Variants in TBC1D5 observed in about 807,000 individuals in gnomAD.
The protein encoded by TBC1D5 is TBC1 domain family, member 5.
TBC1D5 carries 75 observed loss-of-function variants against 100.3 expected under a neutral mutation model. That is an observed-to-expected ratio of 0.75 (90% CI 0.62 to 0.91). The LOEUF (loss-of-function observed/expected upper bound fraction) is 0.91, where lower values mean the gene tolerates loss of function less well. Ranked by LOEUF, TBC1D5 falls within the 40% of genes least tolerant of loss-of-function variation. TBC1D5 has a pLI of 0.00. For synonymous variants in TBC1D5, 323 were observed against 325.6 expected, an observed-to-expected ratio of 0.99 and a Z score of 0.09; for missense variants, 910 against 942.4, an observed-to-expected ratio of 0.97 and a Z score of 0.45.
intron 2 of TBC1D5, among the ~76,000 whole-genome samples, chr3:17,565,506 A>G (rs1407008334): frequency 6.6e-6 from 1 of 152,162 alleles, no homozygotes; most frequent in Non-Finnish European, 1.5e-5. Flanking sequence ...TCCAAAGGGC[A>G]AAGTGATATG....
chr3:17,693,298 T>C (rs1379383647), intron 1 of TBC1D5, among the ~76,000 whole-genome samples: 2 of 152,186 alleles, frequency 1.3e-5, no homozygotes, highest in African/African-American at 4.8e-5. Flanking sequence ...AACCGGGAAG[T>C]GCAAGGGGTC....
At chr3:17,463,943 C>CTTTTTTTTT (rs1025162858) in intron 3 of TBC1D5, among the ~76,000 whole-genome samples, 15 of 87,530 alleles carry the variant, frequency 1.7e-4, no homozygotes, top group African/African-American at 3.3e-4. Flanking sequence ...TTCCTTATTC[C>CTTTTTTTTT]TTTTTTTTTT....
intron 3 of TBC1D5, among the ~76,000 whole-genome samples, chr3:17,469,232 T>C (rs2095344581): frequency 1.3e-5 from 2 of 152,136 alleles, no homozygotes; most frequent in South Asian, 2.1e-4. Flanking sequence ...AGCAAATAAA[T>C]AGAAACTGCA....
chr3:17,554,504 A>G (rs891191351), intron 2 of TBC1D5, among the ~76,000 whole-genome samples: 6 of 152,184 alleles, frequency 3.9e-5, no homozygotes, highest in Admixed American at 3.9e-4. Flanking sequence ...TAGTTTGATC[A>G]TACTCTGGTT....
At chr3:17,466,178 T>C (rs955511945) in intron 3 of TBC1D5, among the ~76,000 whole-genome samples, 2 of 152,154 alleles carry the variant, frequency 1.3e-5, no homozygotes, top group Non-Finnish European at 2.9e-5. Context: ...GTCACACCCA[T>C]GGAAGAACAC....
intron 2 of TBC1D5, among the ~76,000 whole-genome samples, chr3:17,614,243 A>G (rs1406160760): frequency 1.3e-5 from 2 of 152,110 alleles, no homozygotes; most frequent in Non-Finnish European, 1.5e-5. Context: ...CCATTGCTCC[A>G]TATATCTGTT....
intron 3 of TBC1D5, among the ~76,000 whole-genome samples, chr3:17,478,600 T>C (rs1337918090): frequency 2.6e-5 from 4 of 152,218 alleles, no homozygotes; most frequent in African/African-American, 9.6e-5. Context: ...ATTATAGGAT[T>C]GTTCACTGCT....
chr3:17,295,618 T>A (rs904890362), intron 14 of TBC1D5, among the ~76,000 whole-genome samples: 1 of 152,232 alleles, frequency 6.6e-6, no homozygotes, highest in Non-Finnish European at 1.5e-5. Flanking sequence ...AACTTACACA[T>A]AATTCAAAAC....
intron 1 of TBC1D5, among the ~76,000 whole-genome samples, chr3:17,710,891 T>C (rs1264590248): frequency 6.6e-6 from 1 of 151,948 alleles, no homozygotes; most frequent in African/African-American, 2.4e-5. Flanking sequence ...AGAGACGGAG[T>C]TTCACCATGT....
intron 2 of TBC1D5, among the ~76,000 whole-genome samples, chr3:17,609,377 T>C (rs1354005787): frequency 1.3e-5 from 2 of 152,228 alleles, no homozygotes; most frequent in Non-Finnish European, 2.9e-5. Flanking sequence ...TCAAATGTGA[T>C]GAATGTCCTT....
At chr3:17,591,233 CAAAAAAAAAAA>C (rs60889092) in intron 2 of TBC1D5, among the ~76,000 whole-genome samples, 1,677 of 18,818 alleles carry the variant, frequency 0.089, 99 homozygotes, top group South Asian at 0.32. Context: ...AAGGATCTGT[CAAAAAAAAAAA>C]AAAAAAAAAA....
rs184909345 is a variant in TBC1D5 at position 17,260,902 on chromosome 3, T to C, written c.1246-2311A>G. On this transcript the variant is annotated intron_variant, in intron 15 of 21. Coordinates refer to ENST00000253692, the Ensembl canonical transcript of TBC1D5. ...ACAGTTATTAATGAGATACTTCACA[T>C]TGTTCCTTTTGTACAAAGTCTTTGA... Among the ~76,000 whole-genome samples, 5 of 152,372 alleles carry C rather than the reference T, an allele frequency of 3.3e-5. No homozygotes were observed. The East Asian group carries it at 9.6e-4, about 29-fold the overall frequency.
chr3:17,170,403 A>C (rs1458436548), intron 19 of TBC1D5, among the ~76,000 whole-genome samples: 1 of 152,186 alleles, frequency 6.6e-6, no homozygotes, highest in African/African-American at 2.4e-5. Flanking sequence ...AAGGAACTAA[A>C]GAAAGTCCCC....
At chr3:17,244,479 TTCC>T (rs1241808690) in intron 16 of TBC1D5, among the ~76,000 whole-genome samples, 1 of 150,322 alleles carries the variant, frequency 6.7e-6, no homozygotes, top group African/African-American at 2.4e-5. Flanking sequence ...CTGCCCTTCC[TTCC>T]TCCTATCTTC....
chr3:17,271,386 C>CAA (rs2079407624), intron 15 of TBC1D5, among the ~76,000 whole-genome samples: 1 of 152,084 alleles, frequency 6.6e-6, no homozygotes, highest in Non-Finnish European at 1.5e-5. Context: ...AAGGAGATTA[C>CAA]ATTCTTGATT....
chr3:17,209,360 A>T (rs760438232), intron 18 of TBC1D5, among the ~76,000 whole-genome samples: 6 of 152,302 alleles, frequency 3.9e-5, no homozygotes, highest in Non-Finnish European at 8.8e-5. Context: ...TATGTTGCTC[A>T]GGCTGGTCTC....
intron 1 of TBC1D5, among the ~76,000 whole-genome samples, chr3:17,638,740 C>T (rs964016473): frequency 1.3e-5 from 2 of 151,976 alleles, no homozygotes; most frequent in Admixed American, 6.6e-5. Flanking sequence ...CATATTCATA[C>T]AATGAACATT....
intron 1 of TBC1D5, among the ~76,000 whole-genome samples, chr3:17,653,816 G>T (rs2065807882): frequency 6.6e-6 from 1 of 152,110 alleles, no homozygotes; most frequent in Admixed American, 6.6e-5. Flanking sequence ...AAAGAAAAAG[G>T]AAAGTAAGAA....
intron 13 of TBC1D5, among the ~76,000 whole-genome samples, chr3:17,330,152 A>G (rs2086693901): frequency 6.6e-6 from 1 of 151,948 alleles, no homozygotes; most frequent in Non-Finnish European, 1.5e-5. Flanking sequence ...CTTCCTCCCC[A>G]TCTACCAGGC....
Sources: gnomAD v4.1 joint callset for allele counts (sites outside exome capture counted in the v4.1 genomes callset) on GRCh38, gnomAD v4.1.1 for gene constraint, MANE v1.5 for transcripts, NCBI Gene and HGNC (gene_info 2026-07-23, HGNC 2026-07-21) for gene names.